Variants in CHST11 observed in about 807,000 individuals in gnomAD.
The protein encoded by CHST11 is carbohydrate sulfotransferase 11, also known as C4S-1.
In CHST11, 9 loss-of-function variants were observed where a neutral mutation model predicts 30.4. That is an observed-to-expected ratio of 0.30 (90% confidence interval 0.18 to 0.52). CHST11 has a LOEUF of 0.52. CHST11 is among the 20% of genes least tolerant of loss of function. The pLI is 0.97. For missense variants in CHST11, 348 were observed against 460.6 expected, an observed-to-expected ratio of 0.76 and a Z score of 2.24; for synonymous variants, 152 against 187.8, an observed-to-expected ratio of 0.81 and a Z score of 1.56.
intron 1 of CHST11, among the ~76,000 whole-genome samples, chr12:104,561,734 G>A (rs2038515136): frequency 6.6e-6 from 1 of 151,814 alleles, no homozygotes; most frequent in Non-Finnish European, 1.5e-5. Context: ...GGTTTCATAG[G>A]TGCTATTTCT....
intron 1 of CHST11, among the ~76,000 whole-genome samples, chr12:104,506,388 A>G (rs928997857): frequency 5.3e-5 from 8 of 152,328 alleles, no homozygotes; most frequent in African/African-American, 1.4e-4. Flanking sequence ...ACAAAATAGT[A>G]TCTGCTTCTA....
intron 2 of CHST11, among the ~76,000 whole-genome samples, chr12:104,740,753 C>T (rs897768319): frequency 2.0e-5 from 3 of 152,216 alleles, no homozygotes; most frequent in African/African-American, 7.2e-5. Flanking sequence ...GGCCCCGGGT[C>T]TGTGTCCCTG....
At chr12:104,672,838 C>CAA (rs1315089954) in intron 2 of CHST11, among the ~76,000 whole-genome samples, 4 of 152,254 alleles carry the variant, frequency 2.6e-5, no homozygotes, top group Non-Finnish European at 4.4e-5. Context: ...TGCCACCACT[C>CAA]AGACACCCAG....
intron 1 of CHST11, among the ~76,000 whole-genome samples, chr12:104,503,565 AAG>A (rs2037873199): frequency 6.6e-6 from 1 of 152,184 alleles, no homozygotes; most frequent in African/African-American, 2.4e-5. Context: ...AGCCAACAAT[AAG>A]AGTCTTTCCA....
chr12:104,548,914 A>G (rs1400981401), intron 1 of CHST11, among the ~76,000 whole-genome samples: 2 of 152,212 alleles, frequency 1.3e-5, no homozygotes, highest in Non-Finnish European at 2.9e-5. Flanking sequence ...AAAGTGAACT[A>G]GGCTCCTTAT....
chr12:104,664,233 G>A lies in CHST11; in HGVS notation c.204+62242G>A, dbSNP rs574123914. 2.6e-5 allele frequency among the ~76,000 whole-genome samples: 4 copies of A among 152,250 alleles called. No individual in the cohort carries two copies. In the South Asian group the frequency reaches 8.3e-4, roughly 32 times the overall value. On this transcript the variant is annotated intron_variant, in intron 2 of 2. Coordinates refer to ENST00000303694, the MANE Select transcript of CHST11 (RefSeq NM_018413.6). ...TGAATTTTAGAGCTGAGGGTGAAGC[G>A]GCGGGAACATTTTTAAAAAGCTGTT...
chr12:104,618,764 G>T (rs10861257), intron 2 of CHST11, among the ~76,000 whole-genome samples: 39,796 of 151,922 alleles, frequency 0.26, 5,447 homozygotes, highest in East Asian at 0.42. Context: ...ATAGAGAGGC[G>T]TTTTGTTGTT....
chr12:104,474,151 G>A (rs2037536240), intron 1 of CHST11, among the ~76,000 whole-genome samples: 1 of 152,200 alleles, frequency 6.6e-6, no homozygotes, highest in East Asian at 1.9e-4. Flanking sequence ...ATTATTGGAA[G>A]CCTATGCAAA....
At chr12:104,691,095 G>A (rs1008274732) in intron 2 of CHST11, among the ~76,000 whole-genome samples, 1 of 152,144 alleles carries the variant, frequency 6.6e-6, no homozygotes, top group Non-Finnish European at 1.5e-5. Context: ...CAAAGATGTG[G>A]GTTCTAGCCG....
chr12:104,656,902 C>T (rs1004146314), intron 2 of CHST11, among the ~76,000 whole-genome samples: 11 of 152,178 alleles, frequency 7.2e-5, no homozygotes, highest in African/African-American at 2.7e-4. Flanking sequence ...AGTTCCCTAC[C>T]TCTAGTTCAT....
intron 2 of CHST11, among the ~76,000 whole-genome samples, chr12:104,612,013 A>T (rs2039065108): frequency 6.6e-6 from 1 of 152,058 alleles, no homozygotes; most frequent in African/African-American, 2.4e-5. Context: ...CTTAGCCCAC[A>T]CTCAGCCCTG....
At chr12:104,568,490 A>C (rs2038591105) in intron 1 of CHST11, among the ~76,000 whole-genome samples, 1 of 152,144 alleles carries the variant, frequency 6.6e-6, no homozygotes, top group Admixed American at 6.5e-5. Context: ...AGCAACTTCC[A>C]ACAGAGCTGA....
At chr12:104,651,529 G>A (rs1329104908) in intron 2 of CHST11, among the ~76,000 whole-genome samples, 2 of 152,116 alleles carry the variant, frequency 1.3e-5, no homozygotes, top group African/African-American at 4.8e-5. Flanking sequence ...AGTGGGAGAA[G>A]CCCAGACCTC....
chr12:104,570,402 C>T (rs2136023107), intron 1 of CHST11, among the ~76,000 whole-genome samples: 1 of 152,200 alleles, frequency 6.6e-6, no homozygotes, highest in South Asian at 2.1e-4. Context: ...ATCCTCTTTC[C>T]ACCTTTCAGC....
At chr12:104,507,298 C>A (rs1326763370) in intron 1 of CHST11, among the ~76,000 whole-genome samples, 1 of 152,190 alleles carries the variant, frequency 6.6e-6, no homozygotes, top group Non-Finnish European at 1.5e-5. Context: ...AGCTCTTTCT[C>A]CCAGCCCAGT....
chr12:104,722,625 G>A (rs995161043), intron 2 of CHST11, among the ~76,000 whole-genome samples: 4 of 152,036 alleles, frequency 2.6e-5, no homozygotes, highest in African/African-American at 7.2e-5. Context: ...TATGGTGGAC[G>A]TAGCCTGGCA....
At chr12:104,582,307 A>G (rs2038753906) in intron 1 of CHST11, among the ~76,000 whole-genome samples, 1 of 152,146 alleles carries the variant, frequency 6.6e-6, no homozygotes, top group African/African-American at 2.4e-5. Flanking sequence ...TGAGGCAGGA[A>G]TTCTAACACC....
intron 1 of CHST11, among the ~76,000 whole-genome samples, chr12:104,499,659 T>A (rs2037833592): frequency 6.6e-6 from 1 of 152,054 alleles, no homozygotes; most frequent in Non-Finnish European, 1.5e-5. Flanking sequence ...GGACAGCAGG[T>A]AGCTCAACGC....
intron 1 of CHST11, among the ~76,000 whole-genome samples, chr12:104,583,733 GA>G (rs1441321527): frequency 1.6e-3 from 1 of 636 alleles, no homozygotes; most frequent in East Asian, 0.071. Context: ...TTTTTTTGAG[GA>G]TGGAGTCTCA....
Sources: gnomAD v4.1 joint callset for allele counts (sites outside exome capture counted in the v4.1 genomes callset) on GRCh38, gnomAD v4.1.1 for gene constraint, MANE v1.5 for transcripts, NCBI Gene and HGNC (gene_info 2026-07-23, HGNC 2026-07-21) for gene names.